The following ZNF567 variants were observed in gnomAD, a reference collection of about 807,000 sequenced individuals.
ZNF567 encodes the protein zinc finger protein 567.
ZNF567 carries 36 observed loss-of-function variants against 53.9 expected under a neutral mutation model. The observed-to-expected ratio is 0.67, with a 90% confidence interval of 0.51 to 0.88. The LOEUF (loss-of-function observed/expected upper bound fraction) is 0.88. Ranked by LOEUF, ZNF567 falls within the 40% of genes least tolerant of loss-of-function variation. ZNF567 has a pLI of 0.00. For missense variants in ZNF567, 619 were observed against 764.7 expected, an observed-to-expected ratio of 0.81 and a Z score of 2.25; for synonymous variants, 224 against 260.4, an observed-to-expected ratio of 0.86 and a Z score of 1.35.
At chr19:36,716,992 G>C (rs1340158765) in intron 5 of ZNF567, among the ~76,000 whole-genome samples, 1 of 152,016 alleles carries the variant, frequency 6.6e-6, no homozygotes, top group East Asian at 1.9e-4. Context: ...TGCCCGGCCA[G>C]CTTTTTTTGT....
At chr19:36,727,285 G>GT, downstream of ZNF567, 1 of 151,300 alleles carries the variant, frequency 6.6e-6, no homozygotes, top group South Asian at 2.1e-4. Flanking sequence ...GGCCAGGCTG[G>GT]TCTCACAAAC....
chr19:36,716,029 A>G (rs2040050489), intron 5 of ZNF567, among the ~76,000 whole-genome samples: 3 of 152,018 alleles, frequency 2.0e-5, no homozygotes, highest in Non-Finnish European at 1.5e-5. Flanking sequence ...TGGAATTACC[A>G]TTTGTCTTTG....
the ZNF567 span, among the ~76,000 whole-genome samples, chr19:36,678,610 C>T: frequency 6.6e-6 from 1 of 151,752 alleles, no homozygotes; most frequent in African/African-American, 2.4e-5. Flanking sequence ...TCTGGGAGGC[C>T]AAGGTGGGTG....
chr19:36,712,573 T>C, intron 4 of ZNF567, 61 bp downstream of exon 4: 1 of 1,599,510 alleles, frequency 6.3e-7, no homozygotes, highest in Non-Finnish European at 8.5e-7. Flanking sequence ...TGCCTAATTG[T>C]GTATAATCTT....
chr19:36,688,340 G>A (rs1250041538), intron 1 of ZNF567, among the ~76,000 whole-genome samples: 1 of 152,082 alleles, frequency 6.6e-6, no homozygotes, highest in African/African-American at 2.4e-5. Flanking sequence ...TAGGTGGAGT[G>A]CTTGAGAAAC....
chr19:36,719,169 A>G lies in ZNF567; in HGVS notation c.445A>G (p.Ile149Val), dbSNP rs775804038. 1.2e-6 allele frequency: 2 copies of G among 1,612,572 alleles called. No individual in the cohort carries two copies. Among genetic ancestry groups the G allele is most frequent in the South Asian group, 1.1e-5 (1 of 90,548 alleles). ...TTTGAAAAATGTTTCAGAATTAATC[A>G]TCAGTAATCTAAATCCTGCAAGAAA... is the stretch of plus-strand genomic sequence containing the variant. ...RILKNVSELI[I>V]SNLNPARKRL... Residue 149 changes from isoleucine (I) to valine (V), a missense_variant, in exon 6 of 6, where the codon ATC (isoleucine) becomes GTC (valine). Ile to Val is a conservative substitution (Grantham distance 29). Coordinates refer to ENST00000682579, the MANE Select transcript of ZNF567 (RefSeq NM_001322917.1).
At chr19:36,715,159 T>C (rs1362883460) in intron 5 of ZNF567, among the ~76,000 whole-genome samples, 2 of 151,938 alleles carry the variant, frequency 1.3e-5, no homozygotes, top group Non-Finnish European at 2.9e-5. Context: ...CCACTATTTA[T>C]TTATTTATTT....
chr19:36,710,260 T>G (rs2039705806), intron 3 of ZNF567, among the ~76,000 whole-genome samples: 1 of 151,300 alleles, frequency 6.6e-6, no homozygotes, highest in African/African-American at 2.4e-5. Flanking sequence ...TGAATACATT[T>G]AGAACAGCTA....
chr19:36,667,126 G>A, the ZNF567 span, among the ~76,000 whole-genome samples: 2 of 152,212 alleles, frequency 1.3e-5, no homozygotes, highest in Non-Finnish European at 2.9e-5. Context: ...CCTTTGTGGA[G>A]TTGTGGTGAG....
intron 2 of ZNF567, among the ~76,000 whole-genome samples, chr19:36,691,535 T>A (rs2038610717): frequency 6.6e-6 from 1 of 152,224 alleles, no homozygotes; most frequent in South Asian, 2.1e-4. Flanking sequence ...GCTTTCAGCT[T>A]ATCCTTTCAT....
chr19:36,682,418 A>G, the ZNF567 span, among the ~76,000 whole-genome samples: 1 of 151,714 alleles, frequency 6.6e-6, no homozygotes, highest in Non-Finnish European at 1.5e-5. Flanking sequence ...AGTACATACT[A>G]TATGATTCCA....
intron 3 of ZNF567, 55 bp from the exon 4 acceptor site, chr19:36,712,331 A>G: frequency 6.4e-7 from 1 of 1,570,156 alleles, no homozygotes; most frequent in Non-Finnish European, 8.7e-7. Context: ...TACAGGCATG[A>G]ACCACTGTAC....
downstream of ZNF567, chr19:36,727,075 A>T (rs905410317): frequency 1.5e-4 from 16 of 105,984 alleles, no homozygotes; most frequent in African/African-American, 4.9e-4. Flanking sequence ...TTATTTATTT[A>T]TTTATTTATT....
chr19:36,667,481 G>A, the ZNF567 span, among the ~76,000 whole-genome samples: 1 of 151,750 alleles, frequency 6.6e-6, no homozygotes, highest in Non-Finnish European at 1.5e-5. Context: ...CAGCCTGGGC[G>A]ACAGAGCAAC....
intron 3 of ZNF567, among the ~76,000 whole-genome samples, chr19:36,702,350 C>G (rs1338072529): frequency 2.0e-5 from 3 of 151,848 alleles, no homozygotes; most frequent in Admixed American, 6.6e-5. Flanking sequence ...CTCTGGCTGC[C>G]CTTAACATTT....
At chr19:36,694,012 T>C (rs1402441308) in intron 2 of ZNF567, among the ~76,000 whole-genome samples, 1 of 152,058 alleles carries the variant, frequency 6.6e-6, no homozygotes, top group Non-Finnish European at 1.5e-5. Flanking sequence ...CAAGACCCCA[T>C]CTCAAAAAAT....
At chr19:36,718,356 A>T (rs746795155) in intron 5 of ZNF567, among the ~76,000 whole-genome samples, 1 of 152,046 alleles carries the variant, frequency 6.6e-6, no homozygotes, top group Non-Finnish European at 1.5e-5. Flanking sequence ...AAAATTAGCT[A>T]GGCGTGGTGG....
chr19:36,707,616 C>T (rs147470884), intron 3 of ZNF567, among the ~76,000 whole-genome samples: 377 of 152,152 alleles, frequency 2.5e-3, no homozygotes, highest in Non-Finnish European at 4.2e-3. Flanking sequence ...TTACTCTTGT[C>T]GCTCAGGCTA....
At chr19:36,671,706 C>T in the ZNF567 span, among the ~76,000 whole-genome samples, 3 of 152,114 alleles carry the variant, frequency 2.0e-5, no homozygotes, top group African/African-American at 4.8e-5. Context: ...TTTTAGAAAA[C>T]GACTCTTCAG....
Sources: allele counts gnomAD v4.1 joint callset (sites outside exome capture counted in the v4.1 genomes callset), GRCh38; gene constraint gnomAD v4.1.1; transcripts MANE v1.5; gene names NCBI Gene and HGNC (gene_info 2026-07-23, HGNC 2026-07-21).